Variants in METTL25 observed in about 807,000 individuals in gnomAD.
The protein encoded by METTL25 is methyltransferase like 25.
A neutral mutation model predicts 71.6 loss-of-function variants in METTL25; 64 were observed. The ratio of observed to expected loss-of-function variants is 0.89; its 90% confidence interval spans 0.73 to 1.10. The LOEUF is 1.10. Among genes scored for constraint, METTL25 ranks in the 50% least tolerant of loss-of-function variants. The pLI is 0.00. For missense variants in METTL25, 807 were observed against 707.0 expected (o/e 1.14, Z -1.60); for synonymous variants, 287 against 250.3 (o/e 1.15, Z -1.38).
chr12:82,410,848 A>G (rs929126685), intron 5 of METTL25, among the ~76,000 whole-genome samples: 2 of 152,074 alleles, frequency 1.3e-5, no homozygotes, highest in African/African-American at 4.8e-5. Flanking sequence ...ATACTAAGCC[A>G]TACCCTTGAA....
intron 9 of METTL25, among the ~76,000 whole-genome samples, chr12:82,473,890 C>T (rs1440732926): frequency 6.6e-6 from 1 of 152,144 alleles, no homozygotes; most frequent in Non-Finnish European, 1.5e-5. Context: ...TTGTGGCAGT[C>T]AGCCACCCAT....
chr12:82,478,388 C>T (rs1431808315), intron 11 of METTL25, among the ~76,000 whole-genome samples: 4 of 151,522 alleles, frequency 2.6e-5, no homozygotes, highest in Non-Finnish European at 5.9e-5. Context: ...ATTTAAAATA[C>T]AGGATATATA....
At chr12:82,432,504 A>G (rs185365626) in intron 6 of METTL25, among the ~76,000 whole-genome samples, 88 of 151,888 alleles carry the variant, frequency 5.8e-4, no homozygotes, top group Admixed American at 5.5e-3. Context: ...TATCTAAAAG[A>G]AAAGAACTAT....
intron 1 of METTL25, among the ~76,000 whole-genome samples, chr12:82,373,726 C>G (rs922191423): frequency 6.6e-5 from 10 of 152,134 alleles, no homozygotes; most frequent in African/African-American, 2.2e-4. Flanking sequence ...CTCTGTCAAC[C>G]CTTGGCTCAG....
At chr12:82,405,444 A>G (rs1887013957) in intron 5 of METTL25, among the ~76,000 whole-genome samples, 1 of 152,176 alleles carries the variant, frequency 6.6e-6, no homozygotes, top group Admixed American at 6.5e-5. Context: ...TATGGTAACC[A>G]GAAGGTGTCA....
chr12:82,436,326 A>G (rs913788413), intron 7 of METTL25, among the ~76,000 whole-genome samples: 13 of 151,472 alleles, frequency 8.6e-5, no homozygotes, highest in African/African-American at 3.1e-4. Flanking sequence ...AAGGGTATAC[A>G]CTTTGTGTTC....
intron 2 of METTL25, among the ~76,000 whole-genome samples, chr12:82,387,641 ATACTTTTCACCTAGATTCACCATGTG>A (rs1412408797): frequency 6.6e-6 from 1 of 151,990 alleles, no homozygotes; most frequent in Non-Finnish European, 1.5e-5. Flanking sequence ...TAGACCCTGT[ATACTTTTCACCTAGATTCACCATGTG>A]TTCACATTTT....
intron 3 of METTL25, among the ~76,000 whole-genome samples, chr12:82,390,897 A>G (rs1885513726): frequency 6.6e-6 from 1 of 152,164 alleles, no homozygotes; most frequent in South Asian, 2.1e-4. Flanking sequence ...CTGTTTCTAA[A>G]TATCTTTCAG....
intron 5 of METTL25, among the ~76,000 whole-genome samples, chr12:82,415,723 A>T (rs932208105): frequency 1.3e-5 from 2 of 152,266 alleles, no homozygotes; most frequent in South Asian, 4.1e-4. Flanking sequence ...CAGACCCTCA[A>T]TGGGTTTGAT....
chr12:82,377,265 G>T (rs908425572), intron 1 of METTL25, among the ~76,000 whole-genome samples: 32 of 152,254 alleles, frequency 2.1e-4, no homozygotes, highest in Non-Finnish European at 3.2e-4. Flanking sequence ...TGGATCAAGT[G>T]GTTGCATGCG....
At chr12:82,475,996 A>G (rs1364614047) in intron 9 of METTL25, among the ~76,000 whole-genome samples, 2 of 152,108 alleles carry the variant, frequency 1.3e-5, no homozygotes, top group African/African-American at 4.8e-5. Context: ...CTCAACCTGT[A>G]TATTATGACA....
At chr12:82,474,163 G>A (rs1203776445) in intron 9 of METTL25, among the ~76,000 whole-genome samples, 2 of 152,156 alleles carry the variant, frequency 1.3e-5, no homozygotes, top group African/African-American at 4.8e-5. Context: ...AGAAAGGATG[G>A]TAAGTGTTTG....
chr12:82,408,731 A>G (rs1446632892), intron 5 of METTL25, among the ~76,000 whole-genome samples: 3 of 152,042 alleles, frequency 2.0e-5, no homozygotes, highest in Non-Finnish European at 4.4e-5. Context: ...AGTATATGCT[A>G]TGGAGGCCTA....
intron 8 of METTL25, among the ~76,000 whole-genome samples, chr12:82,444,624 A>G (rs1197004455): frequency 6.6e-6 from 1 of 152,216 alleles, no homozygotes; most frequent in Non-Finnish European, 1.5e-5. Context: ...ATAAAAAAGT[A>G]AACAGACATC....
At chr12:82,372,129 C>T (rs565843848) in intron 1 of METTL25, among the ~76,000 whole-genome samples, 137 of 152,268 alleles carry the variant, frequency 9.0e-4, no homozygotes, top group African/African-American at 3.2e-3. Flanking sequence ...TGATGTCTCT[C>T]CAAGTAAGAC....
At chr12:82,409,964 A>G (rs1311219764) in intron 5 of METTL25, among the ~76,000 whole-genome samples, 2 of 152,040 alleles carry the variant, frequency 1.3e-5, no homozygotes, top group Non-Finnish European at 2.9e-5. Flanking sequence ...AAGTTGTATC[A>G]TCTCTGGAAA....
intron 1 of METTL25, among the ~76,000 whole-genome samples, chr12:82,377,048 G>GGTTGCACTGAGCCGAGATCATGCC (rs1453731954): frequency 1.3e-5 from 2 of 152,044 alleles, no homozygotes; most frequent in African/African-American, 4.8e-5. Context: ...AGGAGGCAGA[G>GGTTGCACTGAGCCGAGATCATGCC]GTTGCACTGA....
intron 8 of METTL25, among the ~76,000 whole-genome samples, chr12:82,451,940 T>G (rs924902608): frequency 1.3e-5 from 2 of 152,150 alleles, no homozygotes; most frequent in Non-Finnish European, 2.9e-5. Context: ...TGGTGAATGG[T>G]TTTTGCTCTC....
chr12:82,409,594 A>G (rs1009608911), intron 5 of METTL25, among the ~76,000 whole-genome samples: 1 of 151,640 alleles, frequency 6.6e-6, no homozygotes, highest in Non-Finnish European at 1.5e-5. Context: ...ACTGGGAGCA[A>G]CTCTTGCCAG....
Sources: allele counts gnomAD v4.1 joint callset (sites outside exome capture counted in the v4.1 genomes callset), GRCh38; gene constraint gnomAD v4.1.1; transcripts MANE v1.5; gene names NCBI Gene and HGNC (gene_info 2026-07-23, HGNC 2026-07-21).